The following SLC1A3 variants were observed in gnomAD, a reference collection of about 807,000 sequenced individuals.
SLC1A3 encodes the protein excitatory amino acid transporter 1.
In SLC1A3, 21 loss-of-function variants were observed where a neutral mutation model predicts 48.1. That is an observed-to-expected ratio of 0.44 (90% CI 0.31 to 0.63). The LOEUF (loss-of-function observed/expected upper bound fraction) is 0.63, where lower values mean the gene tolerates loss of function less well. Ranked by LOEUF, SLC1A3 falls within the 20% of genes least tolerant of loss-of-function variation. The pLI is 0.08. For missense variants in SLC1A3, 546 were observed against 689.0 expected (o/e 0.79, Z 2.32); for synonymous variants, 239 against 251.4 (o/e 0.95, Z 0.47).
chr5:36,663,125 T>C (rs1277315604), intron 3 of SLC1A3, among the ~76,000 whole-genome samples: 2 of 152,216 alleles, frequency 1.3e-5, no homozygotes, highest in Admixed American at 1.3e-4. Context: ...CTAATAATAC[T>C]GTCTTCGCCA....
At chr5:36,604,906 TGG>T (rs59950179), upstream of SLC1A3, among the ~76,000 whole-genome samples, 2,375 of 112,104 alleles carry the variant, frequency 0.021, 49 homozygotes, top group African/African-American at 0.035. Flanking sequence ...AAAAAAGCGG[TGG>T]GGGGGGGGGG....
intron 2 of SLC1A3, among the ~76,000 whole-genome samples, chr5:36,627,790 A>T (rs896369923): frequency 1.3e-5 from 2 of 152,234 alleles, no homozygotes; most frequent in African/African-American, 2.4e-5. Context: ...GAAACACATA[A>T]AGGGGTTAAG....
rs1253331576 is a variant in SLC1A3, at chr5:36,680,462, A to G, written c.1162A>G (p.Arg388Gly). 2.5e-6 allele frequency: 4 copies of G among 1,614,102 alleles called. No individual in the cohort carries two copies. The highest frequency in any genetic ancestry group is 3.4e-6 in the Non-Finnish European group (4 of 1,180,040). Residue 388 changes from arginine to glycine, a missense_variant, in exon 8 of 10, where the codon AGA (arginine) becomes GGA (glycine). Coordinates refer to ENST00000265113, the MANE Select transcript of SLC1A3 (RefSeq NM_004172.5). ...ENNGVDKRVT[R>G]FVLPVGATIN... ...CAATGGCGTGGACAAGCGCGTCACC[A>G]GATTCGTGCTCCCCGTAGGAGCCAC...
At chr5:36,634,372 T>C (rs60115512) in intron 3 of SLC1A3, among the ~76,000 whole-genome samples, 11,392 of 152,180 alleles carry the variant, frequency 0.075, 678 homozygotes, top group East Asian at 0.21. Flanking sequence ...AAAATAAGAC[T>C]TTGCCTTTCC....
At chr5:36,598,480 A>T (rs550149954) in intron 1 of SLC1A3, among the ~76,000 whole-genome samples, 79 of 152,290 alleles carry the variant, frequency 5.2e-4, no homozygotes, top group African/African-American at 1.9e-3. Context: ...TGCTCTGGAG[A>T]GAGGAATTCA....
intron 2 of SLC1A3, among the ~76,000 whole-genome samples, chr5:36,619,602 CT>C (rs1256801692): frequency 6.6e-6 from 1 of 152,152 alleles, no homozygotes; most frequent in East Asian, 1.9e-4. Flanking sequence ...GAGTAAGACC[CT>C]AGCTCTAAAA....
At chr5:36,672,123 C>T (rs554801145) in intron 4 of SLC1A3, among the ~76,000 whole-genome samples, 1 of 152,250 alleles carries the variant, frequency 6.6e-6, no homozygotes, top group South Asian at 2.1e-4. Flanking sequence ...CAAAGGGAAC[C>T]CAGAAAGAGC....
intron 2 of SLC1A3, among the ~76,000 whole-genome samples, chr5:36,621,866 C>G (rs1450137067): frequency 6.6e-6 from 1 of 152,134 alleles, no homozygotes; most frequent in Admixed American, 6.5e-5. Flanking sequence ...TGACTTCTAA[C>G]CAACAGAATA....
chr5:36,645,617 G>A (rs772064798), intron 3 of SLC1A3, among the ~76,000 whole-genome samples: 5 of 151,938 alleles, frequency 3.3e-5, no homozygotes, highest in African/African-American at 4.8e-5. Flanking sequence ...GAGCCACCGC[G>A]CCCGGCCCTC....
At chr5:36,634,120 A>G (rs1329671878) in intron 3 of SLC1A3, among the ~76,000 whole-genome samples, 3 of 152,074 alleles carry the variant, frequency 2.0e-5, no homozygotes, top group Non-Finnish European at 4.4e-5. Context: ...TACTAAAAAT[A>G]CAAAAATTAG....
intron 2 of SLC1A3, chr5:36,609,110 C>T (rs921353221): frequency 2.0e-6 from 2 of 985,682 alleles, no homozygotes; most frequent in African/African-American, 1.7e-5. Flanking sequence ...CACTCTCTCA[C>T]CCAGCAACTG....
intron 3 of SLC1A3, among the ~76,000 whole-genome samples, chr5:36,656,652 G>C (rs1020172881): frequency 7.9e-5 from 12 of 152,198 alleles, no homozygotes; most frequent in Non-Finnish European, 1.8e-4. Flanking sequence ...CCTGGTTGCA[G>C]TGATGAACTC....
Position 36,677,018 on chromosome 5 carries a change from G to T in SLC1A3, c.694G>T (p.Val232Phe), listed in dbSNP as rs201623073. The stretch of plus-strand genomic sequence containing the variant: ...TCTTACCCGAATCACAGAGGAGCTG[G>T]TCCCAGTTCCAGGATCTGTGAATGG... The part of the protein sequence containing the change: ...ETLTRITEEL[V>F]PVPGSVNGVN... Residue 232 changes from valine to phenylalanine, a missense_variant, in exon 6 of 10, where the codon GTC becomes TTC. This residue lies in a region of SLC1A3 where 348 missense variants were observed against 392.0 expected (regional missense o/e 0.89). Transcript: ENST00000265113. 1.2e-6 allele frequency: 2 copies of T among 1,614,114 alleles called. No homozygotes were observed. Among genetic ancestry groups the T allele is most frequent in the South Asian group, 2.2e-5 (2 of 91,078 alleles).
chr5:36,664,403 A>G (rs1009163514), intron 3 of SLC1A3, among the ~76,000 whole-genome samples: 5 of 146,984 alleles, frequency 3.4e-5, no homozygotes, highest in Non-Finnish European at 7.5e-5. Context: ...AAAGTGCTGG[A>G]ATTACAGGTT....
chr5:36,647,477 TTTG>T, intron 3 of SLC1A3, among the ~76,000 whole-genome samples: 2 of 152,368 alleles, frequency 1.3e-5, no homozygotes, highest in East Asian at 3.9e-4. Flanking sequence ...AACTGTATTT[TTTG>T]TTAAGAAGAA....
intron 6 of SLC1A3, among the ~76,000 whole-genome samples, chr5:36,677,925 G>A (rs1043016276): frequency 2.0e-5 from 3 of 152,216 alleles, no homozygotes; most frequent in Non-Finnish European, 4.4e-5. Flanking sequence ...TTCACAGGAA[G>A]TATTACAAAA....
chr5:36,597,784 T>C (rs1738762609), intron 1 of SLC1A3, among the ~76,000 whole-genome samples: 1 of 152,076 alleles, frequency 6.6e-6, no homozygotes. Flanking sequence ...TAGCTACTCC[T>C]AACTGCAGAA....
intron 5 of SLC1A3, among the ~76,000 whole-genome samples, chr5:36,674,678 C>T (rs887139486): frequency 2.6e-5 from 4 of 152,092 alleles, no homozygotes; most frequent in African/African-American, 9.7e-5. Context: ...TGGGGCAGCT[C>T]ATCTATAAGA....
In SLC1A3 at chr5:36,659,319, G is replaced by A. The variant is rs115628831; in HGVS notation, c.320-11710G>A. Among the ~76,000 whole-genome samples the A allele has an allele frequency of 4.7e-3, 714 of 152,258 alleles. 3 individuals carry two copies. Among genetic ancestry groups the A allele is most frequent in the African/African-American group, 0.016 (649 of 41,566 alleles). ...GAAGGGTTGTTAGGAGGATAAAGGA[G>A]GTGAAGCACTCAGCACAGTGCCTGG... On this transcript the variant is annotated intron_variant, in intron 3 of 9. Coordinates refer to ENST00000265113, the MANE Select transcript of SLC1A3 (RefSeq NM_004172.5).
Sources: gnomAD v4.1 joint callset for allele counts (sites outside exome capture counted in the v4.1 genomes callset) on GRCh38, gnomAD v4.1.1 for gene constraint, gnomAD v4.1.1 regional missense constraint, MANE v1.5 for transcripts, NCBI Gene and HGNC (gene_info 2026-07-23, HGNC 2026-07-21) for gene names.